Variants in NKAIN3 observed in about 807,000 individuals in gnomAD.
NKAIN3 encodes the protein sodium/potassium-transporting ATPase subunit beta-1-interacting protein 3.
In NKAIN3, 25 loss-of-function variants were observed where a neutral mutation model predicts 30.2. The ratio of observed to expected loss-of-function variants is 0.83; its 90% CI spans 0.60 to 1.16. The LOEUF (loss-of-function observed/expected upper bound fraction) is 1.16, where lower values mean the gene tolerates loss of function less well. Ranked by LOEUF, NKAIN3 falls within the 50% of genes most tolerant of loss-of-function variation. The pLI, the probability that NKAIN3 is intolerant of heterozygous loss-of-function variation, is 0.00. For synonymous variants in NKAIN3, 91 were observed against 89.6 expected, an observed-to-expected ratio of 1.02 and a Z score of -0.09; for missense variants, 225 against 254.1, an observed-to-expected ratio of 0.89 and a Z score of 0.78.
chr8:62,840,408 T>C (rs1819496427), intron 4 of NKAIN3, among the ~76,000 whole-genome samples: 1 of 124,636 alleles, frequency 8.0e-6, no homozygotes, highest in South Asian at 3.0e-4. Context: ...TTGATTTATT[T>C]AAACCTGGAG....
At chr8:62,760,825 T>C (rs1340600321) in intron 4 of NKAIN3, among the ~76,000 whole-genome samples, 2 of 152,022 alleles carry the variant, frequency 1.3e-5, no homozygotes, top group Admixed American at 6.6e-5. Flanking sequence ...ATTTAATCTA[T>C]CACATAATTA....
intron 4 of NKAIN3, among the ~76,000 whole-genome samples, chr8:62,912,530 G>A (rs760596475): frequency 9.2e-5 from 14 of 152,108 alleles, no homozygotes; most frequent in South Asian, 4.1e-4. Context: ...ACCTTCTGCA[G>A]CTGTACAAAA....
intron 1 of NKAIN3, among the ~76,000 whole-genome samples, chr8:62,408,249 C>T (rs770145336): frequency 7.3e-4 from 111 of 152,052 alleles, no homozygotes; most frequent in Non-Finnish European, 3.2e-4. Flanking sequence ...TCATAATCTC[C>T]TAAGAATCTT....
chr8:62,282,150 T>C (rs1460111476), intron 1 of NKAIN3, among the ~76,000 whole-genome samples: 1 of 152,114 alleles, frequency 6.6e-6, no homozygotes, highest in African/African-American at 2.4e-5. Flanking sequence ...GGGTTTCTCA[T>C]GTGGTCTTCA....
intron 1 of NKAIN3, among the ~76,000 whole-genome samples, chr8:62,461,597 A>G (rs1806003074): frequency 6.6e-6 from 1 of 152,250 alleles, no homozygotes; most frequent in African/African-American, 2.4e-5. Flanking sequence ...TGTAAGAATG[A>G]TATCTTGCCA....
chr8:62,312,367 A>T (rs1390704629), intron 1 of NKAIN3, among the ~76,000 whole-genome samples: 1 of 150,692 alleles, frequency 6.6e-6, no homozygotes, highest in South Asian at 2.1e-4. Context: ...TAAGCAAAAA[A>T]TATTGATGAG....
chr8:62,339,059 G>A (rs1237769809), intron 1 of NKAIN3, among the ~76,000 whole-genome samples: 2 of 152,008 alleles, frequency 1.3e-5, no homozygotes, highest in African/African-American at 4.8e-5. Context: ...GCATTAAGAA[G>A]AATCTAAAGA....
chr8:62,407,685 C>G (rs1003664595), intron 1 of NKAIN3, among the ~76,000 whole-genome samples: 20 of 152,218 alleles, frequency 1.3e-4, no homozygotes, highest in Admixed American at 5.2e-4. Flanking sequence ...CCCGCCTCAG[C>G]CTCCCAAAGT....
intron 4 of NKAIN3, among the ~76,000 whole-genome samples, chr8:62,825,594 G>A (rs966421690): frequency 5.3e-5 from 8 of 152,208 alleles, no homozygotes; most frequent in Admixed American, 2.0e-4. Flanking sequence ...AACCTACTGA[G>A]CGAAACAATG....
intron 3 of NKAIN3, among the ~76,000 whole-genome samples, chr8:62,691,003 TG>T (rs1420267470): frequency 2.0e-5 from 3 of 152,186 alleles, no homozygotes; most frequent in Non-Finnish European, 4.4e-5. Context: ...CCTAATATAA[TG>T]CAGGTTCGTA....
intron 4 of NKAIN3, among the ~76,000 whole-genome samples, chr8:62,756,619 C>T (rs943621238): frequency 6.6e-6 from 1 of 152,086 alleles, no homozygotes; most frequent in Non-Finnish European, 1.5e-5. Context: ...GAAACATCTG[C>T]GTTACAGATA....
intron 4 of NKAIN3, among the ~76,000 whole-genome samples, chr8:62,857,595 C>T (rs1348394385): frequency 6.6e-6 from 1 of 152,134 alleles, no homozygotes; most frequent in Non-Finnish European, 1.5e-5. Context: ...TTCAGAAAAA[C>T]AGTCTTCAAG....
intron 1 of NKAIN3, among the ~76,000 whole-genome samples, chr8:62,522,075 A>G (rs1329767612): frequency 6.6e-6 from 1 of 152,086 alleles, no homozygotes; most frequent in Non-Finnish European, 1.5e-5. Context: ...AGAGCCTAAA[A>G]AGGCGGCAGT....
intron 4 of NKAIN3, among the ~76,000 whole-genome samples, chr8:62,778,253 G>A (rs1460465641): frequency 6.6e-6 from 1 of 152,066 alleles, no homozygotes; most frequent in Non-Finnish European, 1.5e-5. Context: ...TCAGCAAGTG[G>A]GAAAACCAGC....
chr8:62,534,073 A>C (rs1808571891), intron 1 of NKAIN3, among the ~76,000 whole-genome samples: 1 of 152,018 alleles, frequency 6.6e-6, no homozygotes, highest in South Asian at 2.1e-4. Context: ...CCAGCTACTG[A>C]ATTTTCTGAG....
chr8:62,760,300 C>A (rs1216777486), intron 4 of NKAIN3, among the ~76,000 whole-genome samples: 1 of 152,138 alleles, frequency 6.6e-6, no homozygotes, highest in Non-Finnish European at 1.5e-5. Context: ...GATTATAAAT[C>A]ATGCTACTAT....
chr8:62,341,998 A>T (rs1815762423), intron 1 of NKAIN3, among the ~76,000 whole-genome samples: 1 of 152,080 alleles, frequency 6.6e-6, no homozygotes, highest in South Asian at 2.1e-4. Flanking sequence ...TTATTCAGGA[A>T]TAAATATTAA....
At chr8:62,751,460 G>A (rs546270050) in intron 4 of NKAIN3, among the ~76,000 whole-genome samples, 77 of 152,090 alleles carry the variant, frequency 5.1e-4, no homozygotes, top group African/African-American at 1.8e-3. Context: ...TTTTGTACAT[G>A]AGTCCAAAGT....
At chr8:62,699,450 A>G (rs1463422930) in intron 3 of NKAIN3, among the ~76,000 whole-genome samples, 1 of 152,188 alleles carries the variant, frequency 6.6e-6, no homozygotes, top group Non-Finnish European at 1.5e-5. Flanking sequence ...TGCTTTTGAT[A>G]TTGTGAAAAT....
Sources: gnomAD v4.1 joint callset for allele counts (sites outside exome capture counted in the v4.1 genomes callset) on GRCh38, gnomAD v4.1.1 for gene constraint, MANE v1.5 for transcripts, NCBI Gene and HGNC (gene_info 2026-07-23, HGNC 2026-07-21) for gene names.